RFT1: variants seen among roughly 807,000 people sequenced by gnomAD.
RFT1 encodes the protein man(5)GlcNAc(2)-PP-dolichol translocation protein RFT1.
RFT1 carries 43 observed loss-of-function variants against 62.2 expected under a neutral mutation model. The observed-to-expected ratio is 0.69, with a 90% CI of 0.54 to 0.89. RFT1 has a LOEUF of 0.89. RFT1 is among the 40% of genes least tolerant of loss of function. RFT1 has a pLI of 0.00. For synonymous variants in RFT1, 262 were observed against 264.6 expected, an observed-to-expected ratio of 0.99 and a Z score of 0.10; for missense variants, 605 against 649.9, an observed-to-expected ratio of 0.93 and a Z score of 0.75.
rs150167242 is a variant in RFT1, at chr3:53,102,014, G to A, written c.1102+1939C>T. ...ATCACACCACTGTACTCCAGCCTGG[G>A]TGATAGAGTGAGACTTCATCTCACT... On this transcript the variant is annotated intron_variant, in intron 10 of 12. Coordinates refer to ENST00000296292, the MANE Select transcript of RFT1 (RefSeq NM_052859.4). Among the ~76,000 whole-genome samples the A allele has an allele frequency of 8.4e-3, 1,276 of 152,118 alleles. 14 individuals carry two copies. The highest frequency in any genetic ancestry group is 0.029 in the African/African-American group (1,216 of 41,480).
intron 6 of RFT1, among the ~76,000 whole-genome samples, chr3:53,114,584 A>G (rs1319249788): frequency 6.6e-6 from 1 of 152,126 alleles, no homozygotes; most frequent in Non-Finnish European, 1.5e-5. Context: ...GACTGTTACC[A>G]TTCTATTCAG....
chr3:53,105,006 G>T (rs1701424054), intron 9 of RFT1, among the ~76,000 whole-genome samples: 1 of 152,214 alleles, frequency 6.6e-6, no homozygotes, highest in South Asian at 2.1e-4. Context: ...GCATCCTTTG[G>T]CTCTTGAGAC....
intron 5 of RFT1, 78 bp downstream of exon 5, chr3:53,121,614 GCAGACCA>G (rs1701969708): frequency 9.2e-7 from 1 of 1,082,826 alleles, no homozygotes. Flanking sequence ...TACTGTGAAT[GCAGACCA>G]CACGGCGGTG....
At chr3:53,096,301 G>A (rs980945426) in intron 11 of RFT1, among the ~76,000 whole-genome samples, 1 of 152,020 alleles carries the variant, frequency 6.6e-6, no homozygotes, top group Non-Finnish European at 1.5e-5. Flanking sequence ...AAATTAGACA[G>A]CCTTAACAAA....
intron 6 of RFT1, among the ~76,000 whole-genome samples, chr3:53,115,043 C>T (rs1701753849): frequency 6.6e-6 from 1 of 152,160 alleles, no homozygotes; most frequent in African/African-American, 2.4e-5. Flanking sequence ...ATTGATGCTG[C>T]CCCAGCTTTA....
At chr3:53,105,269 C>A (rs1365978659) in intron 9 of RFT1, among the ~76,000 whole-genome samples, 1 of 152,172 alleles carries the variant, frequency 6.6e-6, no homozygotes, top group Non-Finnish European at 1.5e-5. Flanking sequence ...CATAAATTAG[C>A]TGGGTGTGGT....
rs750964794 is a variant in RFT1, at chr3:53,100,115, C to CA, written c.1103-630dup. The stretch of plus-strand genomic sequence containing the variant: ...ATGAATAGGCCTGCTGGTTTGGACT[C>CA]AAAGTCAGTAGTGACCCTGCATGTT... On this transcript the variant is annotated intron_variant, in intron 10 of 12. Transcript: ENST00000296292. 9.2e-5 allele frequency among the ~76,000 whole-genome samples: 14 copies of CA among 152,300 alleles called. No homozygotes were observed. In the South Asian group the frequency reaches 2.5e-3, roughly 27 times the overall value.
At chr3:53,116,468 A>G (rs1701801457) in intron 6 of RFT1, among the ~76,000 whole-genome samples, 1 of 148,306 alleles carries the variant, frequency 6.7e-6, no homozygotes, top group Admixed American at 6.7e-5. Context: ...TAAATTTTAC[A>G]TGTTTTGTAA....
chr3:53,075,590 G>A, the RFT1 span, among the ~76,000 whole-genome samples: 1 of 152,322 alleles, frequency 6.6e-6, no homozygotes, highest in South Asian at 2.1e-4. Context: ...TGTGGTGTCT[G>A]GGTAAGAGCT....
intron 6 of RFT1, among the ~76,000 whole-genome samples, chr3:53,116,482 C>T (rs1010855763): frequency 2.0e-5 from 3 of 150,240 alleles, no homozygotes; most frequent in Non-Finnish European, 3.0e-5. Flanking sequence ...TTTGTAAAGA[C>T]GGGTTCTTAC....
chr3:53,106,911 C>T (rs1385943758), intron 7 of RFT1, 42 bp from the exon 8 acceptor site: 1 of 1,448,126 alleles, frequency 6.9e-7, no homozygotes, highest in Admixed American at 1.7e-5. Context: ...GTCAAATGCA[C>T]ATTACTTTAT....
In RFT1 at chr3:53,122,518, C is replaced by T. The variant is rs1701999036; in HGVS notation, c.312G>A (p.Trp104Ter). 1 of 1,613,668 alleles carries T rather than the reference C, an allele frequency of 6.2e-7. No individual in the cohort carries two copies. Among genetic ancestry groups the T allele is most frequent in the Non-Finnish European group, 8.5e-7 (1 of 1,179,800 alleles). Residue 104 changes from tryptophan to a stop codon, truncating the protein, a stop_gained, in exon 4 of 13, where the codon TGG becomes TGA. Transcript: ENST00000296292. LOFTEE classifies it high-confidence loss of function. ...VFWSLFLGWIWLQLLEVPDPN... is the reference protein window; with the variant it reads ...VFWSLFLGWI ...GATCAGGCACTTCAAGCAGCTGCAA[C>T]CAGATCCAGCCCAGGAATAAGGACC...
chr3:53,083,840 C>T (rs1003705069), downstream of RFT1, among the ~76,000 whole-genome samples: 13 of 152,260 alleles, frequency 8.5e-5, no homozygotes, highest in East Asian at 2.5e-3. Context: ...ATTCTCTCGT[C>T]ATTAGAGAGA....
intron 2 of RFT1, among the ~76,000 whole-genome samples, chr3:53,124,214 T>C (rs1247663511): frequency 6.6e-6 from 1 of 152,150 alleles, no homozygotes; most frequent in Non-Finnish European, 1.5e-5. Context: ...CGATGGCCCC[T>C]GTGAGAAAAG....
the RFT1 span, among the ~76,000 whole-genome samples, chr3:53,080,903 T>TC: frequency 6.6e-6 from 1 of 152,098 alleles, no homozygotes; most frequent in East Asian, 1.9e-4. Flanking sequence ...TGGACACGTT[T>TC]CCCTCCCCGC....
intron 7 of RFT1, 135 bp from the exon 8 acceptor site, chr3:53,107,004 C>T (rs1007979586): frequency 1.4e-6 from 1 of 698,998 alleles, no homozygotes; most frequent in Non-Finnish European, 2.6e-6. Flanking sequence ...AAGACATGTC[C>T]TTGTCCTAAT....
intron 7 of RFT1, among the ~76,000 whole-genome samples, chr3:53,111,311 CAGG>C (rs1325988214): frequency 3.3e-5 from 5 of 151,378 alleles, no homozygotes; most frequent in African/African-American, 4.9e-5. Context: ...GAGGCTGAGG[CAGG>C]AGAATTGCAT....
chr3:53,098,306 A>G (rs1559582270), intron 11 of RFT1, among the ~76,000 whole-genome samples: 1 of 152,306 alleles, frequency 6.6e-6, no homozygotes, highest in East Asian at 1.9e-4. Flanking sequence ...ATCAGTCTGG[A>G]CTGAGACCTG....
At chr3:53,079,892 G>C in the RFT1 span, among the ~76,000 whole-genome samples, 1 of 151,438 alleles carries the variant, frequency 6.6e-6, no homozygotes, top group African/African-American at 2.5e-5. Flanking sequence ...CCTGTGATGA[G>C]TGGGTTCAAG....
Sources: gnomAD v4.1 joint callset for allele counts (sites outside exome capture counted in the v4.1 genomes callset) on GRCh38, gnomAD v4.1.1 for gene constraint, MANE v1.5 for transcripts, NCBI Gene and HGNC (gene_info 2026-07-23, HGNC 2026-07-21) for gene names.